NRG3: variants seen among roughly 807,000 people sequenced by gnomAD.
NRG3 encodes neuregulin 3.
NRG3 carries 31 observed loss-of-function variants against 66.9 expected under a neutral mutation model. The observed-to-expected ratio is 0.46, with a 90% CI of 0.35 to 0.63. NRG3 has a LOEUF of 0.63. Among genes scored for constraint, NRG3 ranks in the 20% least tolerant of loss-of-function variants. The pLI, the probability that NRG3 is intolerant of heterozygous loss-of-function variation, is 0.00. For synonymous variants in NRG3, 393 were observed against 359.4 expected (o/e 1.09, Z -1.06); for missense variants, 910 against 878.9 (o/e 1.04, Z -0.45).
chr10:82,221,025 A>G (rs1397564410), intron 1 of NRG3, among the ~76,000 whole-genome samples: 1 of 152,178 alleles, frequency 6.6e-6, no homozygotes, highest in Non-Finnish European at 1.5e-5. Flanking sequence ...CATTAGGAAT[A>G]TATTTAATCA....
chr10:82,843,221 C>T (rs2063147186), intron 3 of NRG3: 1 of 453,848 alleles, frequency 2.2e-6, no homozygotes. Context: ...GTCATTATAA[C>T]AGTATTACGA....
intron 2 of NRG3, among the ~76,000 whole-genome samples, chr10:82,634,214 G>C (rs1361943233): frequency 3.9e-5 from 6 of 152,110 alleles, no homozygotes; most frequent in Non-Finnish European, 1.5e-5. Flanking sequence ...TTTTTGAGGG[G>C]AGGGAGCAGT....
intron 1 of NRG3, among the ~76,000 whole-genome samples, chr10:81,905,804 CT>C (rs1484133117): frequency 1.3e-5 from 2 of 152,184 alleles, no homozygotes; most frequent in African/African-American, 4.8e-5. Flanking sequence ...GCATTCTATT[CT>C]GCTCTACCCT....
intron 2 of NRG3, among the ~76,000 whole-genome samples, chr10:82,723,774 G>A (rs2134546304): frequency 6.6e-6 from 1 of 152,216 alleles, no homozygotes; most frequent in Non-Finnish European, 1.5e-5. Context: ...CAGGTCAGGA[G>A]TTCGAGACCA....
intron 1 of NRG3, among the ~76,000 whole-genome samples, chr10:81,988,414 C>T (rs2060607824): frequency 6.6e-6 from 1 of 152,188 alleles, no homozygotes; most frequent in Non-Finnish European, 1.5e-5. Context: ...ATTAGAGGAA[C>T]AGATGGCTCT....
intron 1 of NRG3, among the ~76,000 whole-genome samples, chr10:81,879,633 T>C (rs1413414185): frequency 6.6e-6 from 1 of 152,186 alleles, no homozygotes; most frequent in Non-Finnish European, 1.5e-5. Flanking sequence ...TATCTAATAG[T>C]GTATTTAAGA....
At chr10:82,125,490 G>T (rs1350808285) in intron 1 of NRG3, among the ~76,000 whole-genome samples, 1 of 151,944 alleles carries the variant, frequency 6.6e-6, no homozygotes. Context: ...TTCTGTTAAA[G>T]TTTTTTGAAA....
chr10:82,914,352 G>A (rs1315251483), intron 4 of NRG3, among the ~76,000 whole-genome samples: 1 of 151,500 alleles, frequency 6.6e-6, no homozygotes, highest in African/African-American at 2.4e-5. Flanking sequence ...AGCATACCTT[G>A]TAGTTTTCTT....
intron 1 of NRG3, among the ~76,000 whole-genome samples, chr10:82,202,330 T>A (rs918336484): frequency 2.0e-5 from 3 of 152,146 alleles, no homozygotes; most frequent in Non-Finnish European, 4.4e-5. Flanking sequence ...TAGTACATAG[T>A]TATTCCAGAT....
At chr10:82,266,076 T>A (rs927274932) in intron 1 of NRG3, among the ~76,000 whole-genome samples, 1 of 152,070 alleles carries the variant, frequency 6.6e-6, no homozygotes, top group Non-Finnish European at 1.5e-5. Context: ...CCAGAGGGTT[T>A]GGGGAGTATA....
At chr10:82,761,577 T>A (rs1298624234) in intron 3 of NRG3, among the ~76,000 whole-genome samples, 2 of 152,106 alleles carry the variant, frequency 1.3e-5, no homozygotes, top group Non-Finnish European at 2.9e-5. Flanking sequence ...GAGACTGAAT[T>A]GCTACTTTTC....
At chr10:82,014,749 GAC>G (rs1382121535) in intron 1 of NRG3, among the ~76,000 whole-genome samples, 1 of 152,178 alleles carries the variant, frequency 6.6e-6, no homozygotes, top group Admixed American at 6.6e-5. Flanking sequence ...AAGGAGGCCA[GAC>G]TGTAGGGCAG....
chr10:82,117,699 A>C (rs2067814850), intron 1 of NRG3, among the ~76,000 whole-genome samples: 1 of 152,090 alleles, frequency 6.6e-6, no homozygotes, highest in African/African-American at 2.4e-5. Flanking sequence ...CAACTTGGGG[A>C]AACGTTGAAA....
At chr10:81,901,636 C>G (rs546038447) in intron 1 of NRG3, among the ~76,000 whole-genome samples, 1 of 152,132 alleles carries the variant, frequency 6.6e-6, no homozygotes, top group South Asian at 2.1e-4. Context: ...TCACTGCATT[C>G]CAGCCTAGGC....
intron 2 of NRG3, among the ~76,000 whole-genome samples, chr10:82,605,977 T>C (rs960832298): frequency 6.6e-6 from 1 of 152,028 alleles, no homozygotes; most frequent in Non-Finnish European, 1.5e-5. Context: ...TTTTATGAGG[T>C]TTTTCAAAGA....
At chr10:82,057,793 A>G (rs1219160090) in intron 1 of NRG3, among the ~76,000 whole-genome samples, 6 of 152,118 alleles carry the variant, frequency 3.9e-5, no homozygotes, top group African/African-American at 1.2e-4. Context: ...ATGAGTTACC[A>G]TGTATCAGGG....
At chr10:82,319,741 G>A (rs529689211) in intron 1 of NRG3, among the ~76,000 whole-genome samples, 9 of 152,172 alleles carry the variant, frequency 5.9e-5, no homozygotes, top group Non-Finnish European at 1.3e-4. Context: ...AGAGGGTTAG[G>A]ACCAGCTGAG....
At chr10:82,270,330 G>A (rs2078526866) in intron 1 of NRG3, among the ~76,000 whole-genome samples, 1 of 152,096 alleles carries the variant, frequency 6.6e-6, no homozygotes, top group Admixed American at 6.5e-5. Context: ...ACTGTTGTCA[G>A]GTTCTACCTT....
chr10:82,059,505 G>GAAAT (rs895425717), intron 1 of NRG3, among the ~76,000 whole-genome samples: 21 of 151,950 alleles, frequency 1.4e-4, no homozygotes, highest in Admixed American at 1.3e-4. Context: ...AAACGTGATA[G>GAAAT]AAGGAGGAGC....
Sources: allele counts gnomAD v4.1 joint callset (sites outside exome capture counted in the v4.1 genomes callset), GRCh38; gene constraint gnomAD v4.1.1; transcripts MANE v1.5; gene names NCBI Gene and HGNC (gene_info 2026-07-23, HGNC 2026-07-21).